The following CDCP2 variants were observed in gnomAD, a reference collection of about 807,000 sequenced individuals.
CDCP2 encodes CUB domain containing protein 2.
In CDCP2, 31 loss-of-function variants were observed where a neutral mutation model predicts 31.0. The observed-to-expected ratio is 1.00, with a 90% CI of 0.75 to 1.35. CDCP2 has a LOEUF of 1.35. CDCP2 is among the 40% of genes most tolerant of loss of function. The probability of loss-of-function intolerance (pLI) is 0.00; values close to 1 mark genes in which losing one functional copy is unlikely to be tolerated. For synonymous variants in CDCP2, 206 were observed against 207.9 expected (o/e 0.99, Z 0.08); for missense variants, 443 against 482.6 (o/e 0.92, Z 0.77).
At chr1:54,136,695 C>T (rs1456451062) in exon 5 of CDCP2, 2 of 399,150 alleles carry the variant, frequency 5.0e-6, no homozygotes, top group African/African-American at 2.1e-5. Flanking sequence ...ACCTCCTGGG[C>T]GGCACAGCTC....
At chr1:54,133,391 C>G (rs1191412113) in intron 5 of CDCP2, 97 bp from the exon 6 acceptor site, 1 of 397,688 alleles carries the variant, frequency 2.5e-6, no homozygotes. Flanking sequence ...GGGCAGAGCC[C>G]GAGGAGCCTG....
At chr1:54,135,642 C>T (rs760596418) in intron 5 of CDCP2, among the ~76,000 whole-genome samples, 4 of 152,036 alleles carry the variant, frequency 2.6e-5, no homozygotes, top group Non-Finnish European at 2.9e-5. Flanking sequence ...TGGTTCTGTC[C>T]CAGACAAAAG....
At chr1:54,133,951 C>G (rs1403175174) in intron 5 of CDCP2, among the ~76,000 whole-genome samples, 1 of 115,784 alleles carries the variant, frequency 8.6e-6, no homozygotes, top group Non-Finnish European at 1.9e-5. Flanking sequence ...AAACTAAGGC[C>G]CCGAGGTTAA....
chr1:54,144,758 G>C, exon 2 of CDCP2: 1 of 1,614,138 alleles, frequency 6.2e-7, no homozygotes, highest in Non-Finnish European at 8.5e-7. Context: ...GTCTAGGGAA[G>C]TTGGGGCTGG....
intron 1 of CDCP2, among the ~76,000 whole-genome samples, chr1:54,151,850 G>T (rs183134917): frequency 6.6e-6 from 1 of 152,212 alleles, no homozygotes; most frequent in African/African-American, 2.4e-5. Context: ...GGTTGATGGA[G>T]GATGTGGAAG....
At chr1:54,151,490 G>A (rs1423717051) in intron 1 of CDCP2, among the ~76,000 whole-genome samples, 1 of 152,226 alleles carries the variant, frequency 6.6e-6, no homozygotes, top group Non-Finnish European at 1.5e-5. Context: ...CCAGTCATCA[G>A]CATAAGCAGA....
At chr1:54,140,222 T>C in intron 3 of CDCP2, 116 bp from the exon 4 acceptor site, 1 of 860,766 alleles carries the variant, frequency 1.2e-6, no homozygotes, top group Non-Finnish European at 1.9e-6. Flanking sequence ...ACCAGCAGGT[T>C]GTGGGCACCA....
At chr1:54,133,625 G>C (rs537337675) in intron 5 of CDCP2, among the ~76,000 whole-genome samples, 2 of 152,136 alleles carry the variant, frequency 1.3e-5, no homozygotes, top group Non-Finnish European at 2.9e-5. Context: ...GGCCGGGTGC[G>C]GTGGCTCACG....
chr1:54,139,832 T>G (rs757977587), exon 4 of CDCP2: 3 of 1,613,972 alleles, frequency 1.9e-6, no homozygotes, highest in Non-Finnish European at 2.5e-6. Context: ...GGTTGTGGCT[T>G]GAGGTCACGG....
chr1:54,151,216 G>A (rs1659578791), intron 1 of CDCP2, among the ~76,000 whole-genome samples: 1 of 152,198 alleles, frequency 6.6e-6, no homozygotes, highest in African/African-American at 2.4e-5. Flanking sequence ...CGTGACATGG[G>A]GATAGTGGTG....
chr1:54,136,777 C>T (rs1659265581), exon 5 of CDCP2: 2 of 399,164 alleles, frequency 5.0e-6, no homozygotes, highest in Non-Finnish European at 8.8e-6. Context: ...TCTGGAAGTC[C>T]GTGCGGGAGC....
rs115422932 is a variant in CDCP2 at position 54,151,181 on chromosome 1, G to A, written c.79+1663C>T. On this transcript the variant is annotated intron_variant, in intron 1 of 5. Coordinates refer to ENST00000530059, the Ensembl canonical transcript of CDCP2. ...GAATGGCATAGACAAAGGCCCAGAC[G>A]CACGTGCACTTAGCCTCTGTGAGCC... Among the ~76,000 whole-genome samples the A allele has an allele frequency of 9.8e-3, 1,490 of 152,272 alleles. 20 individuals carry two copies. The highest frequency in any genetic ancestry group is 0.033 in the African/African-American group (1,367 of 41,544).
At chr1:54,138,313 T>C (rs1372667263) in intron 4 of CDCP2, 1 of 152,186 alleles carries the variant, frequency 6.6e-6, no homozygotes, top group Non-Finnish European at 1.5e-5. Flanking sequence ...AGTGGAGGCA[T>C]AGCCAATGGA....
At chr1:54,133,318 C>T (rs972119742) in intron 5 of CDCP2, 24 bp from the exon 6 acceptor site, 1 of 399,022 alleles carries the variant, frequency 2.5e-6, no homozygotes, top group Non-Finnish European at 4.4e-6. Context: ...GGGTACTCAT[C>T]ACACCTGAAG....
intron 4 of CDCP2, chr1:54,138,820 C>G (rs1467511932): frequency 6.6e-6 from 1 of 152,338 alleles, no homozygotes; most frequent in Admixed American, 6.5e-5. Flanking sequence ...AAGTCTTTTC[C>G]CTCTCAGCAC....
At chr1:54,148,749 G>A (rs1025557282) in intron 1 of CDCP2, among the ~76,000 whole-genome samples, 2 of 150,914 alleles carry the variant, frequency 1.3e-5, no homozygotes, top group African/African-American at 4.9e-5. Context: ...AAAGAGTCAA[G>A]GCCGGGTGCC....
exon 2 of CDCP2, chr1:54,144,503 A>G (rs779714815): frequency 5.0e-6 from 8 of 1,598,136 alleles, no homozygotes; most frequent in Non-Finnish European, 6.8e-6. Context: ...GGCTGGCCAC[A>G]TGCTTGTCCG....
At position 54,137,479 on chromosome 1, in the gene CDCP2, A is replaced by T. The variant is rs1170819034; in HGVS notation, c.1118-671T>A. 2.6e-5 allele frequency among the ~76,000 whole-genome samples: 4 copies of T among 152,308 alleles called. 1 individual carries two copies. Among genetic ancestry groups the T allele is most frequent in the Non-Finnish European group, 2.9e-5 (2 of 68,024 alleles). On this transcript the variant is annotated intron_variant, in intron 4 of 5. Coordinates refer to ENST00000530059, the Ensembl canonical transcript of CDCP2. ...TCCCTACAATGACCCCAGGAGGTGG[A>T]TGTGACTAAACTCATTTTACAGGTT...
exon 6 of CDCP2, chr1:54,133,151 C>A (rs1036435062): frequency 5.0e-6 from 2 of 399,024 alleles, no homozygotes; most frequent in African/African-American, 2.1e-5. Context: ...AGGGCCCCAG[C>A]CAGTGAGAGC....
Sources: gnomAD v4.1 joint callset for allele counts (sites outside exome capture counted in the v4.1 genomes callset) on GRCh38, gnomAD v4.1.1 for gene constraint, MANE v1.5 for transcripts, NCBI Gene and HGNC (gene_info 2026-07-23, HGNC 2026-07-21) for gene names.